Variants in NKAIN2 observed in about 807,000 individuals in gnomAD.
NKAIN2 encodes the protein sodium/potassium transporting ATPase interacting 2.
A neutral mutation model predicts 32.6 loss-of-function variants in NKAIN2; 14 were observed. The ratio of observed to expected loss-of-function variants is 0.43; its 90% CI spans 0.28 to 0.67. The LOEUF is 0.67. NKAIN2 is among the 30% of genes least tolerant of loss of function. The pLI is 0.17. For missense variants in NKAIN2, 198 were observed against 258.3 expected (o/e 0.77, Z 1.60); for synonymous variants, 80 against 87.2 (o/e 0.92, Z 0.46).
At chr6:124,762,306 C>T (rs955660688) in intron 4 of NKAIN2, among the ~76,000 whole-genome samples, 1 of 152,042 alleles carries the variant, frequency 6.6e-6, no homozygotes, top group African/African-American at 2.4e-5. Flanking sequence ...ATTTCCTCTT[C>T]TCATAAGGAC....
At chr6:124,766,373 C>A (rs1778516132) in intron 4 of NKAIN2, among the ~76,000 whole-genome samples, 1 of 152,156 alleles carries the variant, frequency 6.6e-6, no homozygotes, top group African/African-American at 2.4e-5. Context: ...GTAAGAAGTC[C>A]TCAGGGTGTG....
At chr6:124,330,486 C>T (rs1475394862) in intron 2 of NKAIN2, among the ~76,000 whole-genome samples, 1 of 152,138 alleles carries the variant, frequency 6.6e-6, no homozygotes, top group African/African-American at 2.4e-5. Flanking sequence ...AGAATTGAGA[C>T]AAGGACCTGG....
intron 1 of NKAIN2, among the ~76,000 whole-genome samples, chr6:124,095,573 C>T (rs1784616014): frequency 6.6e-6 from 1 of 152,068 alleles, no homozygotes; most frequent in South Asian, 2.1e-4. Context: ...ATGATGTGTA[C>T]TTAAGTTATA....
intron 3 of NKAIN2, among the ~76,000 whole-genome samples, chr6:124,598,861 G>A (rs1782199016): frequency 6.6e-6 from 1 of 152,004 alleles, no homozygotes; most frequent in African/African-American, 2.4e-5. Context: ...ATGGATATAT[G>A]CCCATGTGTT....
rs73773036 is a variant in NKAIN2, at chr6:124,002,814, G to A, written c.54+198560G>A. On this transcript the variant is annotated intron_variant, in intron 1 of 6. Transcript: ENST00000368417. ...TTATACTGTACTTGAATTCACAAAC[G>A]CTGAGCATGTGCTTTGCATGGTTTA... Among the ~76,000 whole-genome samples, 1,263 of 152,260 alleles carry A rather than the reference G, an allele frequency of 8.3e-3. 16 individuals carry two copies. Among genetic ancestry groups the A allele is most frequent in the African/African-American group, 0.029 (1,220 of 41,534 alleles).
intron 3 of NKAIN2, among the ~76,000 whole-genome samples, chr6:124,415,422 G>T (rs1774419453): frequency 6.6e-6 from 1 of 152,234 alleles, no homozygotes; most frequent in South Asian, 2.1e-4. Flanking sequence ...GGGGGATGGA[G>T]TGTGGAGCTT....
chr6:124,556,721 C>T (rs1221047535), intron 3 of NKAIN2, among the ~76,000 whole-genome samples: 1 of 152,120 alleles, frequency 6.6e-6, no homozygotes, highest in Non-Finnish European at 1.5e-5. Context: ...CCCCACAAAA[C>T]TGTATGAGTT....
At chr6:124,182,626 T>C (rs1430280768) in intron 1 of NKAIN2, among the ~76,000 whole-genome samples, 2 of 152,186 alleles carry the variant, frequency 1.3e-5, no homozygotes, top group Non-Finnish European at 2.9e-5. Context: ...GTGGTTTTAT[T>C]TGAAAAGAAG....
chr6:124,430,957 T>G (rs2114564104), intron 3 of NKAIN2, among the ~76,000 whole-genome samples: 1 of 152,316 alleles, frequency 6.6e-6, no homozygotes, highest in South Asian at 2.1e-4. Context: ...TCAGACATGC[T>G]TTTAGAACTG....
In NKAIN2 at chr6:124,390,234, A is replaced by G. The variant is rs139691983; in HGVS notation, c.273+34887A>G. 3.1e-3 allele frequency among the ~76,000 whole-genome samples: 465 copies of G among 152,220 alleles called. 6 individuals carry two copies. The highest frequency in any genetic ancestry group is 0.01 in the African/African-American group (422 of 41,560). ...GTATATTTCCACCTAAGACTGAAGCAGGGGATTTTAACAAACGTTTCTTAT... is the reference window on the plus strand; with the variant it reads ...GTATATTTCCACCTAAGACTGAAGCGGGGGATTTTAACAAACGTTTCTTAT... On this transcript the variant is annotated intron_variant, in intron 3 of 6. Coordinates refer to ENST00000368417, the MANE Select transcript of NKAIN2 (RefSeq NM_001040214.3).
intron 1 of NKAIN2, among the ~76,000 whole-genome samples, chr6:123,976,245 G>T (rs1251328320): frequency 8.8e-6 from 1 of 113,966 alleles, no homozygotes; most frequent in Non-Finnish European, 1.8e-5. Flanking sequence ...ACAATAGCAA[G>T]AACATATATA....
At chr6:124,087,801 G>A (rs932785460) in intron 1 of NKAIN2, among the ~76,000 whole-genome samples, 2 of 151,924 alleles carry the variant, frequency 1.3e-5, no homozygotes, top group African/African-American at 4.8e-5. Flanking sequence ...TATTAGCAGC[G>A]GTAGACATGG....
intron 4 of NKAIN2, among the ~76,000 whole-genome samples, chr6:124,668,585 G>A (rs368990040): frequency 4.0e-5 from 6 of 151,844 alleles, no homozygotes; most frequent in South Asian, 2.1e-4. Flanking sequence ...CAACTCATAC[G>A]CATTCTAATT....
At position 124,408,275 on chromosome 6, in the gene NKAIN2, C is replaced by T. The variant is rs1328889651; in HGVS notation, c.273+52928C>T. The stretch of plus-strand genomic sequence containing the variant: ...TTTAGACATGAAGTCCTTGCCCATG[C>T]CTATGTCCTGAATGGTATTGTCTAG... On this transcript the variant is annotated intron_variant, in intron 3 of 6. Coordinates refer to ENST00000368417, the MANE Select transcript of NKAIN2 (RefSeq NM_001040214.3). Among the ~76,000 whole-genome samples the T allele has an allele frequency of 5.3e-5, 8 of 152,114 alleles. No individual in the cohort carries two copies. The East Asian group carries it at 1.5e-3, about 29-fold the overall frequency.
At chr6:124,179,618 T>TG (rs1194437908) in intron 1 of NKAIN2, among the ~76,000 whole-genome samples, 1 of 152,170 alleles carries the variant, frequency 6.6e-6, no homozygotes, top group Non-Finnish European at 1.5e-5. Flanking sequence ...GAGGGACTGC[T>TG]GGGAGAGCAG....
chr6:124,524,953 A>G (rs963197378), intron 3 of NKAIN2, among the ~76,000 whole-genome samples: 14 of 152,288 alleles, frequency 9.2e-5, no homozygotes, highest in African/African-American at 3.1e-4. Flanking sequence ...ACTGCTGAAC[A>G]CCCGTACAGC....
At chr6:124,038,310 G>T (rs975972327) in intron 1 of NKAIN2, among the ~76,000 whole-genome samples, 2 of 151,888 alleles carry the variant, frequency 1.3e-5, no homozygotes, top group Non-Finnish European at 2.9e-5. Flanking sequence ...TGCCTCCAGG[G>T]TTCAAGTGAT....
At chr6:124,350,260 A>T (rs1252227521) in intron 2 of NKAIN2, among the ~76,000 whole-genome samples, 68 of 152,190 alleles carry the variant, frequency 4.5e-4, no homozygotes, top group Admixed American at 4.3e-3. Flanking sequence ...ACTCTTAAAT[A>T]ACTATGCTGA....
chr6:124,254,954 C>A (rs1793857763), intron 1 of NKAIN2, among the ~76,000 whole-genome samples: 2 of 152,126 alleles, frequency 1.3e-5, no homozygotes, highest in Non-Finnish European at 2.9e-5. Context: ...CCCCTGACTG[C>A]TTTAGTCTTC....
Sources: allele counts gnomAD v4.1 joint callset (sites outside exome capture counted in the v4.1 genomes callset), GRCh38; gene constraint gnomAD v4.1.1; transcripts MANE v1.5; gene names NCBI Gene and HGNC (gene_info 2026-07-23, HGNC 2026-07-21).